ABTB2: variants seen among roughly 807,000 people sequenced by gnomAD.
The protein encoded by ABTB2 is ankyrin repeat and BTB/POZ domain-containing protein 2.
In ABTB2, 56 loss-of-function variants were observed where a neutral mutation model predicts 104.1. The observed-to-expected ratio is 0.54, with a 90% CI of 0.43 to 0.67. ABTB2 has a LOEUF of 0.67. ABTB2 is among the 30% of genes least tolerant of loss of function. The pLI, the probability that ABTB2 is intolerant of heterozygous loss-of-function variation, is 0.00. For synonymous variants in ABTB2, 606 were observed against 608.2 expected, an observed-to-expected ratio of 1.00 and a Z score of 0.05; for missense variants, 1,279 against 1,407.7, an observed-to-expected ratio of 0.91 and a Z score of 1.46.
In ABTB2 at chr11:34,251,210, T is replaced by C. The variant is rs1590230430; in HGVS notation, c.884-46520A>G. Among the ~76,000 whole-genome samples, 7 of 152,210 alleles carry C rather than the reference T, an allele frequency of 4.6e-5. No individual in the cohort carries two copies. The South Asian group carries it at 1.5e-3, about 32-fold the overall frequency. Reference sequence around the variant, plus strand: ...TATTCTGTGACAACCAACACCAAAATAGAGCGGGTGAGGCTGCCCATGGGC... The same window carrying C: ...TATTCTGTGACAACCAACACCAAAACAGAGCGGGTGAGGCTGCCCATGGGC... On this transcript the variant is annotated intron_variant, in intron 1 of 16. Coordinates refer to ENST00000435224, the MANE Select transcript of ABTB2 (RefSeq NM_145804.3).
chr11:34,157,224 CA>C (rs2133000833), intron 14 of ABTB2, among the ~76,000 whole-genome samples: 1 of 152,324 alleles, frequency 6.6e-6, no homozygotes, highest in Non-Finnish European at 1.5e-5. Context: ...CTGGATATGG[CA>C]AAATTCTGTA....
At chr11:34,215,022 C>G (rs1356439936) in intron 1 of ABTB2, among the ~76,000 whole-genome samples, 1 of 152,220 alleles carries the variant, frequency 6.6e-6, no homozygotes, top group Non-Finnish European at 1.5e-5. Context: ...GCCCCTTCGC[C>G]TGGCCCCAGG....
chr11:34,180,158 A>G (rs1343265111), intron 3 of ABTB2, among the ~76,000 whole-genome samples: 1 of 152,238 alleles, frequency 6.6e-6, no homozygotes, highest in East Asian at 1.9e-4. Flanking sequence ...CAGCAAGTAT[A>G]AACATGTAAA....
rs142836979 is a variant in ABTB2, at chr11:34,298,463, T to TA, written c.883+58237dup. On this transcript the variant is annotated intron_variant, in intron 1 of 16. Coordinates refer to ENST00000435224, the MANE Select transcript of ABTB2 (RefSeq NM_145804.3). ...TTTTTTCTTTTAAATTTAAAAAAAT[T>TA]AAAAAAAAAATTATTTTGGGACAGA... Among the ~76,000 whole-genome samples the TA allele has an allele frequency of 1.1e-4, 17 of 149,898 alleles. No individual in the cohort carries two copies. In the South Asian group the frequency reaches 1.3e-3, roughly 11 times the overall value.
intron 1 of ABTB2, among the ~76,000 whole-genome samples, chr11:34,215,294 G>A (rs564213731): frequency 6.6e-6 from 1 of 152,324 alleles, no homozygotes; most frequent in South Asian, 2.1e-4. Flanking sequence ...AGAGGGCAGT[G>A]GGTGTGACCT....
chr11:34,207,442 A>G (rs2611136), intron 1 of ABTB2, among the ~76,000 whole-genome samples: 34,169 of 152,212 alleles, frequency 0.22, 4,453 homozygotes, highest in East Asian at 0.41. Flanking sequence ...TTAGGAACCT[A>G]TTATTAATAA....
intron 1 of ABTB2, among the ~76,000 whole-genome samples, chr11:34,338,002 G>A (rs1564935852): frequency 1.3e-5 from 2 of 151,848 alleles, no homozygotes; most frequent in Non-Finnish European, 1.5e-5. Flanking sequence ...TGAGAGGAGC[G>A]CAGAATAAAA....
intron 2 of ABTB2, among the ~76,000 whole-genome samples, chr11:34,198,156 G>A (rs561046764): frequency 1.5e-3 from 234 of 152,280 alleles, no homozygotes; most frequent in African/African-American, 5.5e-3. Flanking sequence ...TGGGCACAGT[G>A]GCTCACGCTG....
intron 1 of ABTB2, among the ~76,000 whole-genome samples, chr11:34,353,013 G>A (rs1278618643): frequency 2.6e-5 from 4 of 152,212 alleles, no homozygotes; most frequent in South Asian, 4.1e-4. Context: ...AGTGAACTAC[G>A]ATTTTACCAC....
In ABTB2 at chr11:34,218,846, C is replaced by CA. The variant is rs35803950; in HGVS notation, c.884-14157dup. ...GGGCAACAAGAGCGAAACTCCATCTCAAAAAAAAAAAAAAAAAAAAAAAAA... is the reference window on the plus strand; with the variant it reads ...GGGCAACAAGAGCGAAACTCCATCTCAAAAAAAAAAAAAAAAAAAAAAAAAA... On this transcript the variant is annotated intron_variant, in intron 1 of 16. Transcript: ENST00000435224. Among the ~76,000 whole-genome samples, 565 of 60,980 alleles carry CA rather than the reference C, an allele frequency of 9.3e-3. 29 individuals carry two copies. The highest frequency in any genetic ancestry group is 0.013 in the Middle Eastern group (1 of 78). The allele number at this position is 60,980 out of a possible 152,430, so 40.0% of individuals were successfully genotyped here. A position where few individuals can be genotyped will look rare whatever the true frequency, so the allele number is the denominator to read the frequency against.
chr11:34,357,105 C>A lies in ABTB2; in HGVS notation c.479G>T (p.Ser160Ile). ...CCAGCTGTGCACCAGGCGCACGGCG[C>A]TCTGCACCTCAAAGCGGGTGCACTT... is the stretch of plus-strand genomic sequence containing the variant. ...HAKCTRFEVQ[S>I]AVRLVHSWAL... Residue 160 changes from serine (S) to isoleucine (I), a missense_variant, in exon 1 of 17, where the codon AGC becomes ATC. By Grantham distance (142) the Ser-to-Ile change is moderately radical. Coordinates refer to ENST00000435224, the MANE Select transcript of ABTB2 (RefSeq NM_145804.3). 6.6e-7 allele frequency: 1 copy of A among 1,515,770 alleles called. No individual in the cohort carries two copies. The allele number at this position is 1,515,770 out of a possible 1,614,324, so 93.9% of individuals were successfully genotyped here. A position where few individuals can be genotyped will look rare whatever the true frequency, so the allele number is the denominator to read the frequency against.
intron 1 of ABTB2, among the ~76,000 whole-genome samples, chr11:34,313,320 G>A (rs1854881192): frequency 6.6e-6 from 1 of 152,206 alleles, no homozygotes; most frequent in African/African-American, 2.4e-5. Flanking sequence ...GTCCCATTGG[G>A]CCGGCTCCCG....
At chr11:34,325,950 A>AAAAATAAAATAAAATAAAAT (rs60780111) in intron 1 of ABTB2, among the ~76,000 whole-genome samples, 2,530 of 117,914 alleles carry the variant, frequency 0.021, 57 homozygotes, top group African/African-American at 0.035. Flanking sequence ...GACAGTCTCA[A>AAAAATAAAATAAAATAAAAT]AAAATAAAAT....
chr11:34,345,157 T>C (rs1370456816), intron 1 of ABTB2, among the ~76,000 whole-genome samples: 2 of 152,198 alleles, frequency 1.3e-5, no homozygotes, highest in Admixed American at 6.5e-5. Flanking sequence ...AGCCAATGAA[T>C]TATTACCCAA....
chr11:34,340,950 C>G (rs536102082), intron 1 of ABTB2, among the ~76,000 whole-genome samples: 3 of 152,232 alleles, frequency 2.0e-5, no homozygotes, highest in East Asian at 1.9e-4. Context: ...AAGCAGAACC[C>G]AAGCCTAGGA....
At chr11:34,273,341 G>A (rs1159901453) in intron 1 of ABTB2, among the ~76,000 whole-genome samples, 2 of 152,144 alleles carry the variant, frequency 1.3e-5, no homozygotes, top group African/African-American at 4.8e-5. Context: ...AAAACTCCAG[G>A]CTGTCCAGGC....
chr11:34,213,276 G>A (rs753048691), intron 1 of ABTB2, among the ~76,000 whole-genome samples: 5 of 152,166 alleles, frequency 3.3e-5, no homozygotes, highest in South Asian at 2.1e-4. Flanking sequence ...TCAGGAGTTC[G>A]AGACCAGCCT....
chr11:34,274,375 A>G (rs1162820113), intron 1 of ABTB2, among the ~76,000 whole-genome samples: 1 of 151,986 alleles, frequency 6.6e-6, no homozygotes, highest in Non-Finnish European at 1.5e-5. Flanking sequence ...ACCCAGGCTG[A>G]CGGGCCTCCA....
chr11:34,332,817 TA>T (rs571303088), intron 1 of ABTB2, among the ~76,000 whole-genome samples: 2,542 of 140,630 alleles, frequency 0.018, 22 homozygotes, highest in East Asian at 0.042. Context: ...TGGTTTCAGT[TA>T]AAAAAAAAAA....
Sources: gnomAD v4.1 joint callset for allele counts (sites outside exome capture counted in the v4.1 genomes callset) on GRCh38, gnomAD v4.1.1 for gene constraint, MANE v1.5 for transcripts, NCBI Gene and HGNC (gene_info 2026-07-23, HGNC 2026-07-21) for gene names.